Variants in TSC22D1 observed in about 807,000 individuals in gnomAD.
TSC22D1 encodes the protein TSC22 domain family member 1.
In TSC22D1, 9 loss-of-function variants were observed where a neutral mutation model predicts 74.2. The ratio of observed to expected loss-of-function variants is 0.12; its 90% CI spans 0.07 to 0.21. The LOEUF (loss-of-function observed/expected upper bound fraction) is 0.21. Ranked by LOEUF, TSC22D1 falls within the 10% of genes least tolerant of loss-of-function variation. TSC22D1 has a pLI of 1.00. For synonymous variants in TSC22D1, 586 were observed against 492.5 expected (o/e 1.19, Z -2.51); for missense variants, 1,427 against 1,304.7 (o/e 1.09, Z -1.44).
intron 1 of TSC22D1, among the ~76,000 whole-genome samples, chr13:44,491,264 T>C (rs1878700455): frequency 6.6e-6 from 1 of 152,060 alleles, no homozygotes; most frequent in African/African-American, 2.4e-5. Flanking sequence ...TGAAGATTAG[T>C]ATCCAGAGGC....
intron 1 of TSC22D1, among the ~76,000 whole-genome samples, chr13:44,567,612 A>C (rs1046173889): frequency 1.3e-5 from 2 of 152,040 alleles, no homozygotes; most frequent in Non-Finnish European, 2.9e-5. Flanking sequence ...GAGCAAAAAA[A>C]AAGTTCTTGG....
rs890793658 is a variant in TSC22D1, at chr13:44,438,694, TA to T, written c.2913-2600del. ...ACATATATTAACTCATATGATGCTT[TA>T]AAAAAAAAGATACCCATTTCCAACA... is the stretch of plus-strand genomic sequence containing the variant. On this transcript the variant is annotated intron_variant, in intron 1 of 2. Coordinates refer to ENST00000458659, the MANE Select transcript of TSC22D1 (RefSeq NM_183422.4). 1.4e-3 allele frequency among the ~76,000 whole-genome samples: 209 copies of T among 151,158 alleles called. 2 individuals carry two copies. The highest frequency in any genetic ancestry group is 4.7e-3 in the African/African-American group (194 of 41,234).
At chr13:44,454,166 T>G (rs1876373473) in intron 1 of TSC22D1, among the ~76,000 whole-genome samples, 1 of 152,070 alleles carries the variant, frequency 6.6e-6, no homozygotes, top group Non-Finnish European at 1.5e-5. Context: ...CAGAGTTAAT[T>G]CTAAAAAAAC....
intron 1 of TSC22D1, among the ~76,000 whole-genome samples, chr13:44,485,408 T>C (rs761576385): frequency 2.0e-5 from 3 of 152,192 alleles, no homozygotes; most frequent in Non-Finnish European, 4.4e-5. Flanking sequence ...TCTTTCAGTA[T>C]AACACAAACT....
chr13:44,465,509 CATCTT>C (rs1877225676), intron 1 of TSC22D1, among the ~76,000 whole-genome samples: 1 of 152,168 alleles, frequency 6.6e-6, no homozygotes. Flanking sequence ...AGACTGTACT[CATCTT>C]GTGTGAGTCA....
At chr13:44,459,144 C>T (rs971835982) in intron 1 of TSC22D1, among the ~76,000 whole-genome samples, 3 of 152,198 alleles carry the variant, frequency 2.0e-5, no homozygotes, top group Non-Finnish European at 4.4e-5. Flanking sequence ...GCACACACTT[C>T]TTCCCTTCTA....
intron 1 of TSC22D1, among the ~76,000 whole-genome samples, chr13:44,498,673 A>C (rs762809009): frequency 6.6e-6 from 1 of 152,174 alleles, no homozygotes; most frequent in Non-Finnish European, 1.5e-5. Flanking sequence ...CATTCAGTCA[A>C]GCATAAAATA....
At position 44,433,450 on chromosome 13, in the gene TSC22D1, T is replaced by C. The variant is rs1268616306; in HGVS notation, c.*1176A>G. The C allele has an allele frequency of 6.6e-6, 1 of 152,386 alleles. No individual in the cohort carries two copies. The highest frequency in any genetic ancestry group is 2.4e-5 in the African/African-American group (1 of 41,462). The allele number at this position is 152,386 out of a possible 1,614,324, so 9.4% of individuals were successfully genotyped here. On this transcript the variant is annotated 3_prime_UTR_variant, in exon 3 of 3. Coordinates refer to ENST00000458659, the MANE Select transcript of TSC22D1 (RefSeq NM_183422.4). ...CCCTTCAGGATTTTACTAGTCAAAT[T>C]GTTAACTTTACCTGGAAACAGTTGT... is the stretch of plus-strand genomic sequence containing the variant.
At chr13:44,453,179 G>C (rs1194199616) in intron 1 of TSC22D1, among the ~76,000 whole-genome samples, 2 of 152,162 alleles carry the variant, frequency 1.3e-5, no homozygotes, top group African/African-American at 4.8e-5. Flanking sequence ...CTTCTCCTTT[G>C]AATATGTTTC....
At chr13:44,456,119 A>G (rs1395866833) in intron 1 of TSC22D1, among the ~76,000 whole-genome samples, 3 of 152,198 alleles carry the variant, frequency 2.0e-5, no homozygotes, top group Non-Finnish European at 4.4e-5. Context: ...CTTAAAGAAT[A>G]AAGCCGTGGA....
At chr13:44,446,817 G>GGAGGAGGAAGAA (rs1566115925) in intron 1 of TSC22D1, among the ~76,000 whole-genome samples, 6 of 133,548 alleles carry the variant, frequency 4.5e-5, no homozygotes, top group African/African-American at 8.5e-5. Flanking sequence ...AGGAGGAAGA[G>GGAGGAGGAAGAA]GAGGAGGAAG....
intron 1 of TSC22D1, among the ~76,000 whole-genome samples, chr13:44,552,634 AAC>A (rs1466451902): frequency 2.0e-5 from 3 of 152,230 alleles, no homozygotes; most frequent in African/African-American, 7.2e-5. Flanking sequence ...ACTTGTTACA[AAC>A]ACTCTCACAT....
intron 1 of TSC22D1, among the ~76,000 whole-genome samples, chr13:44,451,814 C>A (rs1874103837): frequency 1.3e-5 from 2 of 152,170 alleles, no homozygotes; most frequent in Admixed American, 6.5e-5. Context: ...GGGCACAGCC[C>A]CTTACCTGTG....
At chr13:44,559,734 A>G (rs1332933096) in intron 1 of TSC22D1, among the ~76,000 whole-genome samples, 3 of 147,818 alleles carry the variant, frequency 2.0e-5, no homozygotes, top group African/African-American at 7.5e-5. Context: ...TCTGCTGCCC[A>G]GGCTGGAGTA....
intron 1 of TSC22D1, among the ~76,000 whole-genome samples, chr13:44,498,515 T>C (rs1450411138): frequency 6.6e-6 from 1 of 152,122 alleles, no homozygotes; most frequent in African/African-American, 2.4e-5. Context: ...TGGATAATGG[T>C]TGGTATACAG....
chr13:44,568,604 T>C lies in TSC22D1; in HGVS notation c.2912+4559A>G, dbSNP rs200463906. Among the ~76,000 whole-genome samples the C allele has an allele frequency of 3.3e-5, 5 of 152,216 alleles. No individual in the cohort carries two copies. The East Asian group carries it at 9.6e-4, about 29-fold the overall frequency. On this transcript the variant is annotated intron_variant, in intron 1 of 2. Coordinates refer to ENST00000458659, the MANE Select transcript of TSC22D1 (RefSeq NM_183422.4). ...CTCTCACCTTGGCCTCCCAAAGTGC[T>C]GGAATTATAGGCGTGAGCCACCATG...
At chr13:44,489,055 A>T (rs1461075970) in intron 1 of TSC22D1, among the ~76,000 whole-genome samples, 1 of 152,232 alleles carries the variant, frequency 6.6e-6, no homozygotes, top group Non-Finnish European at 1.5e-5. Context: ...TTAAAAGAAT[A>T]GATTGCAGAA....
At chr13:44,481,822 G>A (rs1303109976) in intron 1 of TSC22D1, among the ~76,000 whole-genome samples, 1 of 152,074 alleles carries the variant, frequency 6.6e-6, no homozygotes, top group Non-Finnish European at 1.5e-5. Context: ...TAATAACAAA[G>A]TCGGTGGGGG....
intron 1 of TSC22D1, among the ~76,000 whole-genome samples, chr13:44,439,451 T>C (rs1875010510): frequency 6.6e-6 from 1 of 152,254 alleles, no homozygotes; most frequent in African/African-American, 2.4e-5. Context: ...GGGAAAACCC[T>C]TGGATCAGAA....
Sources: gnomAD v4.1 joint callset for allele counts (sites outside exome capture counted in the v4.1 genomes callset) on GRCh38, gnomAD v4.1.1 for gene constraint, MANE v1.5 for transcripts, NCBI Gene and HGNC (gene_info 2026-07-23, HGNC 2026-07-21) for gene names.